Variants in CPAMD8 observed in about 807,000 individuals in gnomAD.
The protein encoded by CPAMD8 is C3 and PZP-like alpha-2-macroglobulin domain-containing protein 8.
A neutral mutation model predicts 224.7 loss-of-function variants in CPAMD8; 146 were observed. That is an observed-to-expected ratio of 0.65 (90% CI 0.57 to 0.75). The LOEUF (loss-of-function observed/expected upper bound fraction) is 0.75. Ranked by LOEUF, CPAMD8 falls within the 30% of genes least tolerant of loss-of-function variation. The pLI is 0.00. For synonymous variants in CPAMD8, 966 were observed against 1,044.6 expected, an observed-to-expected ratio of 0.92 and a Z score of 1.45; for missense variants, 2,301 against 2,537.5, an observed-to-expected ratio of 0.91 and a Z score of 2.00.
chr19:16,904,326 AG>A lies in CPAMD8; in HGVS notation c.4150del (p.Leu1384PhefsTer2). ...SAEVEMTAYA[L>X]LTYTLLGDVA... is the part of the protein sequence containing the mutation. ...GTCACCCAGCAGAGTGTAGGTCAGA[AG>A]GGCGTAGGCTGTCATTTCCACCTCG... is the stretch of plus-strand genomic sequence containing the variant. On this transcript the variant is annotated frameshift_variant, in exon 32 of 42. Transcript: ENST00000443236. LOFTEE classifies it high-confidence loss of function. 6.2e-7 allele frequency: 1 copy of A among 1,613,734 alleles called. No homozygotes were observed. The highest frequency in any genetic ancestry group is 8.5e-7 in the Non-Finnish European group (1 of 1,179,962).
rs570646832 is a variant in CPAMD8, at chr19:16,906,802, C to G, written c.4027+150G>C. ...TCTGCTCACTGCAATCTCCGCCTCC[C>G]GGGTTCAAGCGATTCTCCTGCCTCA... On this transcript the variant is annotated intron_variant, in intron 30 of 41. Coordinates refer to ENST00000443236, the MANE Select transcript of CPAMD8 (RefSeq NM_015692.5). The G allele has an allele frequency of 1.5e-4, 116 of 771,734 alleles. No homozygotes were observed. In the African/African-American group the frequency reaches 1.9e-3, roughly 13 times the overall value. 47.8% of individuals were successfully genotyped at this position (771,734 alleles called of 1,614,324 possible). A position where few individuals can be genotyped will look rare whatever the true frequency, so the allele number is the denominator to read the frequency against.
rs1195122269 is a variant in CPAMD8 at position 16,896,346 on chromosome 19, G to A, written c.5276-20C>T. 4 of 1,586,098 alleles carry A rather than the reference G, an allele frequency of 2.5e-6. No homozygotes were observed. Among genetic ancestry groups the A allele is most frequent in the Admixed American group, 3.6e-5 (2 of 55,960 alleles). On this transcript the variant is annotated intron_variant, in intron 40 of 41. Coordinates refer to ENST00000443236, the MANE Select transcript of CPAMD8 (RefSeq NM_015692.5). The stretch of plus-strand genomic sequence containing the variant: ...GCTGCTCTGGAAGGAAGGGGGCCTC[G>A]GTCGGGAGGGCGTGGCGGGGAGGGG...
chr19:16,904,176 A>ACGGGC, intron 32 of CPAMD8, 50 bp downstream of exon 32: 39 of 937,300 alleles, frequency 4.2e-5, no homozygotes, highest in East Asian at 1.0e-4. Flanking sequence ...GACTGCAGGG[A>ACGGGC]CCCCACCCAC....
At chr19:17,015,593 G>A (rs781605159) in intron 3 of CPAMD8, among the ~76,000 whole-genome samples, 9 of 152,140 alleles carry the variant, frequency 5.9e-5, no homozygotes, top group Non-Finnish European at 1.2e-4. Context: ...GGACCTGTGA[G>A]GTCTCTTCTG....
intron 14 of CPAMD8, among the ~76,000 whole-genome samples, chr19:16,978,013 G>T: frequency 6.6e-6 from 1 of 152,120 alleles, no homozygotes; most frequent in East Asian, 1.9e-4. Flanking sequence ...TGCCTTCCCT[G>T]TGGGTAAATG....
chr19:16,990,766 G>A (rs1263863704), intron 12 of CPAMD8, among the ~76,000 whole-genome samples: 1 of 150,424 alleles, frequency 6.6e-6, no homozygotes, highest in Non-Finnish European at 1.5e-5. Flanking sequence ...GGGAGGCTGA[G>A]GCAGGGGAAT....
At chr19:17,007,457 C>T (rs763773104) in intron 7 of CPAMD8, among the ~76,000 whole-genome samples, 4 of 145,526 alleles carry the variant, frequency 2.7e-5, no homozygotes, top group African/African-American at 7.7e-5. Flanking sequence ...GAAGGAAGAT[C>T]GAAGAAGAAG....
intron 22 of CPAMD8, among the ~76,000 whole-genome samples, chr19:16,942,226 C>T (rs1217212248): frequency 6.6e-6 from 1 of 152,108 alleles, no homozygotes; most frequent in Non-Finnish European, 1.5e-5. Flanking sequence ...CTTTGGGAGA[C>T]CGAGGCGGGC....
At position 17,008,534 on chromosome 19, in the gene CPAMD8, T is replaced by C. The variant is rs148129755; in HGVS notation, c.530A>G (p.Glu177Gly). 590 of 1,613,630 alleles carry C rather than the reference T, an allele frequency of 3.7e-4. 2 individuals carry two copies. In the African/African-American group the frequency reaches 7.1e-3, roughly 20 times the overall value. The change falls in exon 7 of 42, where the codon GAG becomes GGG. Residue 177 changes from glutamate (E) to glycine (G), a missense_variant. Transcript: ENST00000443236. ...GCAGAACGGCTTTAAGTGTCTCCAC[T>C]CTATCATCCGAGAGCCTCGGGGGTC... ...ILDPRGSRMIEWRHLKPFCCG... is the reference protein window; with the variant it reads ...ILDPRGSRMIGWRHLKPFCCG...
At chr19:16,910,214 T>C (rs1384581950) in intron 29 of CPAMD8, among the ~76,000 whole-genome samples, 1 of 147,996 alleles carries the variant, frequency 6.8e-6, no homozygotes, top group African/African-American at 2.5e-5. Context: ...TTGTTGCCCA[T>C]GCTGGAGTGC....
intron 39 of CPAMD8, chr19:16,897,370 C>T (rs925123347): frequency 2.6e-6 from 1 of 388,542 alleles, no homozygotes; most frequent in Non-Finnish European, 4.6e-6. Flanking sequence ...ACTGACCACC[C>T]TCAACCCATT....
intron 15 of CPAMD8, among the ~76,000 whole-genome samples, chr19:16,977,033 C>T (rs2055302201): frequency 6.6e-6 from 1 of 152,030 alleles, no homozygotes; most frequent in Non-Finnish European, 1.5e-5. Context: ...CAGAGCTTGA[C>T]TCCGTCTCAA....
At chr19:16,976,934 C>T (rs1487752396) in intron 15 of CPAMD8, among the ~76,000 whole-genome samples, 2 of 151,936 alleles carry the variant, frequency 1.3e-5, no homozygotes, top group South Asian at 2.1e-4. Flanking sequence ...CTCAGCTACT[C>T]GGGAGGCTGA....
At chr19:16,980,733 G>A (rs1490436718) in intron 13 of CPAMD8, 47 bp from the exon 14 acceptor site, 1 of 1,434,268 alleles carries the variant, frequency 7.0e-7, no homozygotes, top group South Asian at 1.4e-5. Context: ...CACCAATGTT[G>A]CAACCCACCA....
In CPAMD8 at chr19:16,941,364, C is replaced by T. The variant is rs577833130; in HGVS notation, c.2794-2918G>A. ...TATGATTGAGCCATAGAAGCAAGCA[C>T]GTATCTATGCTGCACCGTGGATGAA... On this transcript the variant is annotated intron_variant, in intron 22 of 41. Transcript: ENST00000443236. Among the ~76,000 whole-genome samples the T allele has an allele frequency of 2.3e-3, 319 of 139,258 alleles. 1 individual carries two copies. The highest frequency in any genetic ancestry group is 8.2e-3 in the African/African-American group (305 of 37,272). 91.4% of individuals were successfully genotyped at this position (139,258 alleles called of 152,430 possible).
At chr19:16,995,254 G>A (rs377703600) in intron 11 of CPAMD8, among the ~76,000 whole-genome samples, 1 of 152,190 alleles carries the variant, frequency 6.6e-6, no homozygotes, top group Admixed American at 6.5e-5. Flanking sequence ...ATCACTCATG[G>A]ACGGCAAAAG....
At chr19:17,009,546 G>A (rs564550680) in intron 5 of CPAMD8, 64 of 533,732 alleles carry the variant, frequency 1.2e-4, no homozygotes, top group African/African-American at 8.4e-4. Flanking sequence ...AGGCCAAGGC[G>A]GGTGGATCAC....
chr19:17,001,427 C>T (rs1469468332), intron 9 of CPAMD8, among the ~76,000 whole-genome samples: 1 of 92,234 alleles, frequency 1.1e-5, no homozygotes, highest in Non-Finnish European at 2.2e-5. Flanking sequence ...GGGGAGCAGC[C>T]TTGGGGGAGA....
Position 16,914,697 on chromosome 19 carries a change from G to A in CPAMD8, c.3746C>T (p.Ser1249Phe). ...CAGGACCCTGCCCACGGCCAGGAAG[G>A]AGCCATCGGCCTGCTGCTGCTGGAT... is the stretch of plus-strand genomic sequence containing the variant. ...WIIQQQQADGSFLAVGRVLNK... is the reference protein window; with the variant it reads ...WIIQQQQADGFFLAVGRVLNK... The change falls in exon 28 of 42, where the codon TCC becomes TTC. Residue 1249 changes from serine to phenylalanine, a missense_variant. Transcript: ENST00000443236. 6.2e-7 allele frequency: 1 copy of A among 1,614,136 alleles called. No homozygotes were observed. Among genetic ancestry groups the A allele is most frequent in the Non-Finnish European group, 8.5e-7 (1 of 1,179,998 alleles).
Sources: allele counts gnomAD v4.1 joint callset (sites outside exome capture counted in the v4.1 genomes callset), GRCh38; gene constraint gnomAD v4.1.1; transcripts MANE v1.5; gene names NCBI Gene and HGNC (gene_info 2026-07-23, HGNC 2026-07-21).